ASCC3: variants seen among roughly 807,000 people sequenced by gnomAD.
ASCC3 encodes activating signal cointegrator 1 complex subunit 3, also known as ASC-1 complex subunit P200.
A neutral mutation model predicts 256.3 loss-of-function variants in ASCC3; 158 were observed. That is an observed-to-expected ratio of 0.62 (90% confidence interval 0.54 to 0.70). ASCC3 has a LOEUF of 0.70. ASCC3 is among the 30% of genes least tolerant of loss of function. The pLI, the probability that ASCC3 is intolerant of heterozygous loss-of-function variation, is 0.00. For synonymous variants in ASCC3, 948 were observed against 883.4 expected (o/e 1.07, Z -1.30); for missense variants, 2,259 against 2,626.0 (o/e 0.86, Z 3.05).
At chr6:100,662,616 C>T in intron 14 of ASCC3, 80 bp from the exon 15 acceptor site, 1 of 1,323,186 alleles carries the variant, frequency 7.6e-7, no homozygotes. Flanking sequence ...ATGAGTTCAT[C>T]AAAGAAATCA....
chr6:100,836,050 G>C (rs921016730), intron 4 of ASCC3, among the ~76,000 whole-genome samples: 27 of 152,064 alleles, frequency 1.8e-4, no homozygotes, highest in Non-Finnish European at 4.4e-5. Context: ...TTTTCAGATA[G>C]TTTGCTTTTA....
At chr6:100,648,298 T>C (rs576386640) in intron 20 of ASCC3, among the ~76,000 whole-genome samples, 1 of 152,148 alleles carries the variant, frequency 6.6e-6, no homozygotes, top group African/African-American at 2.4e-5. Flanking sequence ...TCATTAACTT[T>C]GCAGATTGTT....
intron 4 of ASCC3, among the ~76,000 whole-genome samples, chr6:100,834,239 G>T (rs1015379060): frequency 2.0e-5 from 3 of 152,098 alleles, no homozygotes; most frequent in South Asian, 2.1e-4. Flanking sequence ...TTTCACATTA[G>T]AATTTATTTT....
intron 3 of ASCC3, chr6:100,857,605 A>G (rs181921425): frequency 6.6e-6 from 1 of 151,962 alleles, no homozygotes; most frequent in African/African-American, 2.4e-5. Flanking sequence ...ATACTGAAAA[A>G]ATAGCCTTGT....
chr6:100,746,409 T>G (rs1454093224), intron 10 of ASCC3, among the ~76,000 whole-genome samples: 1 of 152,098 alleles, frequency 6.6e-6, no homozygotes, highest in South Asian at 2.1e-4. Flanking sequence ...TGAAATGAGA[T>G]GGAAAACAAA....
chr6:100,565,648 T>A (rs186502222), intron 36 of ASCC3, among the ~76,000 whole-genome samples: 27 of 152,138 alleles, frequency 1.8e-4, no homozygotes, highest in African/African-American at 6.0e-4. Context: ...CCCAGGGCCA[T>A]GGCTTTCAGT....
At chr6:100,642,455 AG>A in intron 24 of ASCC3, 125 bp downstream of exon 24, 1 of 948,286 alleles carries the variant, frequency 1.1e-6, no homozygotes, top group Non-Finnish European at 1.6e-6. Context: ...TGAAATAAAA[AG>A]GGAGTTATAG....
intron 4 of ASCC3, among the ~76,000 whole-genome samples, chr6:100,847,102 T>C (rs1772419592): frequency 6.6e-6 from 1 of 152,108 alleles, no homozygotes; most frequent in Non-Finnish European, 1.5e-5. Context: ...GACTAAGAAA[T>C]ACAAACTTAC....
intron 10 of ASCC3, among the ~76,000 whole-genome samples, chr6:100,729,489 T>C (rs1043857841): frequency 1.3e-5 from 2 of 152,214 alleles, no homozygotes; most frequent in Non-Finnish European, 2.9e-5. Context: ...CTTCCAATTT[T>C]AATTGTTTCA....
At chr6:100,776,845 G>A (rs988816738) in intron 8 of ASCC3, among the ~76,000 whole-genome samples, 2 of 151,938 alleles carry the variant, frequency 1.3e-5, no homozygotes, top group African/African-American at 4.8e-5. Context: ...TTAAGTTTAA[G>A]ATAATCAAAC....
At chr6:100,724,469 GA>G (rs1374054507) in intron 11 of ASCC3, among the ~76,000 whole-genome samples, 2 of 151,846 alleles carry the variant, frequency 1.3e-5, no homozygotes, top group Non-Finnish European at 2.9e-5. Flanking sequence ...GGTAAAGACA[GA>G]AGGGACTTTG....
chr6:100,766,932 T>C (rs1267739385), intron 9 of ASCC3, among the ~76,000 whole-genome samples: 2 of 152,204 alleles, frequency 1.3e-5, no homozygotes, highest in African/African-American at 2.4e-5. Flanking sequence ...GAAAATTGTA[T>C]AGATGTATTT....
Position 100,651,568 on chromosome 6 carries a change from G to T in ASCC3, c.3067C>A (p.Gln1023Lys). 2 of 1,564,880 alleles carry T rather than the reference G, an allele frequency of 1.3e-6. No homozygotes were observed. The highest frequency in any genetic ancestry group is 1.2e-5 in the South Asian group (1 of 82,394). Residue 1023 changes from glutamine (Q) to lysine (K), a missense_variant, in exon 19 of 42, where the codon CAA (glutamine) becomes AAA (lysine). Coordinates refer to ENST00000369162, the MANE Select transcript of ASCC3 (RefSeq NM_006828.4). ...AIVSKAEEFD[Q>K]IKVREEEIEE... ...ATTTCAAGAAATCTTACCTTAATTTGATCAAATTCTTCAGCTTTGGAGACT... is the reference window on the plus strand; with the variant it reads ...ATTTCAAGAAATCTTACCTTAATTTTATCAAATTCTTCAGCTTTGGAGACT...
chr6:100,566,881 T>C (rs1211627052), intron 36 of ASCC3, among the ~76,000 whole-genome samples: 2 of 152,130 alleles, frequency 1.3e-5, no homozygotes, highest in Non-Finnish European at 2.9e-5. Context: ...TCATTCTCTC[T>C]TGAATCCTCT....
chr6:100,619,566 G>A lies in ASCC3; in HGVS notation c.4785+5626C>T, dbSNP rs370104268. Among the ~76,000 whole-genome samples the A allele has an allele frequency of 5.9e-5, 9 of 152,194 alleles. No homozygotes were observed. In the East Asian group the frequency reaches 1.5e-3, roughly 26 times the overall value. On this transcript the variant is annotated intron_variant, in intron 30 of 41. Coordinates refer to ENST00000369162, the MANE Select transcript of ASCC3 (RefSeq NM_006828.4). ...TTTTGGTCACTCCACTGGATAAAGA[G>A]TCTTGATTAGCTTCATGACTGGTTG... is the stretch of plus-strand genomic sequence containing the variant.
intron 36 of ASCC3, among the ~76,000 whole-genome samples, chr6:100,548,127 A>T (rs563168176): frequency 1.3e-3 from 190 of 151,956 alleles, no homozygotes; most frequent in African/African-American, 4.5e-3. Context: ...AACAGCAAAC[A>T]GATTACTAGC....
intron 25 of ASCC3, among the ~76,000 whole-genome samples, chr6:100,636,472 C>A (rs1034096812): frequency 5.9e-5 from 9 of 152,086 alleles, no homozygotes; most frequent in African/African-American, 1.9e-4. Context: ...CCCTAAGACA[C>A]AACAATATTG....
At position 100,798,827 on chromosome 6, in the gene ASCC3, T is replaced by C. The variant is rs1161917906; in HGVS notation, c.1281A>G (p.Pro427=). The C allele has an allele frequency of 1.9e-6, 3 of 1,612,174 alleles. No homozygotes were observed. Among genetic ancestry groups the C allele is most frequent in the Admixed American group, 3.3e-5 (2 of 59,906 alleles). The part of the protein sequence containing the change: ...AFIAGAKMIL[P]EGIQRENNKL... ...TGTTATTCTCTCTTTGGATTCCTTC[T>C]GGCAAAATCATCTATAAACATCAAC... The change falls in exon 8 of 42, where the codon CCA becomes CCG. Residue 427 remains proline (P), a synonymous_variant. Transcript: ENST00000369162.
At chr6:100,647,543 G>A in intron 20 of ASCC3, 92 bp from the exon 21 acceptor site, 1 of 1,138,086 alleles carries the variant, frequency 8.8e-7, no homozygotes. Context: ...CTGAAAAGAA[G>A]TGCAAGTCAA....
Sources: gnomAD v4.1 joint callset for allele counts (sites outside exome capture counted in the v4.1 genomes callset) on GRCh38, gnomAD v4.1.1 for gene constraint, MANE v1.5 for transcripts, NCBI Gene and HGNC (gene_info 2026-07-23, HGNC 2026-07-21) for gene names.